The following DNM1L variants were observed in gnomAD, a reference collection of about 807,000 sequenced individuals.
DNM1L encodes the protein dynamin 1L.
A neutral mutation model predicts 92.8 loss-of-function variants in DNM1L; 33 were observed. The ratio of observed to expected loss-of-function variants is 0.36; its 90% CI spans 0.27 to 0.48. The LOEUF is 0.48. Ranked by LOEUF, DNM1L falls within the 20% of genes least tolerant of loss-of-function variation. The pLI, the probability that DNM1L is intolerant of heterozygous loss-of-function variation, is 0.99. For synonymous variants in DNM1L, 284 were observed against 305.0 expected, an observed-to-expected ratio of 0.93 and a Z score of 0.72; for missense variants, 485 against 888.8, an observed-to-expected ratio of 0.55 and a Z score of 5.78.
At chr12:32,716,244 G>GT (rs969793164) in intron 6 of DNM1L, among the ~76,000 whole-genome samples, 20 of 150,952 alleles carry the variant, frequency 1.3e-4, no homozygotes, top group African/African-American at 4.4e-4. Context: ...AAATTTGGTG[G>GT]GGGGGGGTGG....
At chr12:32,714,333 C>T (rs1050507865) in intron 6 of DNM1L, among the ~76,000 whole-genome samples, 1 of 143,384 alleles carries the variant, frequency 7.0e-6, no homozygotes, top group African/African-American at 2.6e-5. Flanking sequence ...AGTGCAGTGG[C>T]GCGATCTCGG....
At chr12:32,685,818 T>C (rs903900264) in intron 1 of DNM1L, among the ~76,000 whole-genome samples, 4 of 152,170 alleles carry the variant, frequency 2.6e-5, no homozygotes, top group Non-Finnish European at 5.9e-5. Context: ...CCTTCTCTTA[T>C]GGACAACTTT....
chr12:32,740,440 G>A lies in DNM1L; in HGVS notation c.1916G>A (p.Arg639Gln). The change falls in exon 18 of 20, where the codon CGG becomes CAG. Residue 639 changes from arginine (R) to glutamine (Q), a missense_variant. This residue lies in a region of DNM1L where 133 missense variants were observed against 210.9 expected (regional missense o/e 0.63). Transcript: ENST00000549701. ...PVPVARKLSA[R>Q]EQRDCEVIER... ...CCTGTTGCACGAAAACTATCTGCTC[G>A]GGAACAGCGAGATTGTGAGGTTATT... 2 of 1,613,944 alleles carry A rather than the reference G, an allele frequency of 1.2e-6. No homozygotes were observed. The highest frequency in any genetic ancestry group is 2.2e-5 in the East Asian group (1 of 44,874).
intron 6 of DNM1L, among the ~76,000 whole-genome samples, chr12:32,715,710 C>T (rs1036552930): frequency 6.6e-6 from 1 of 151,574 alleles, no homozygotes; most frequent in East Asian, 1.9e-4. Flanking sequence ...TCAGCCTGGA[C>T]AACAGAGTAG....
At chr12:32,699,345 T>G (rs11052189) in intron 1 of DNM1L, among the ~76,000 whole-genome samples, 23,407 of 151,978 alleles carry the variant, frequency 0.15, 1,905 homozygotes, top group Middle Eastern at 0.21. Context: ...CAACAAAAAT[T>G]GAAATACTTA....
At position 32,705,698 on chromosome 12, in the gene DNM1L, T is replaced by C. The variant is rs772687966; in HGVS notation, c.251-1669T>C. On this transcript the variant is annotated intron_variant, in intron 2 of 19. Transcript: ENST00000549701. The stretch of plus-strand genomic sequence containing the variant: ...CTAACTTTACTTTCGTCAGTAAATT[T>C]TGAATAATTGAATGCTATGTGCATT... 2.4e-4 allele frequency: 206 copies of C among 853,902 alleles called. 1 individual carries two copies. The highest frequency in any genetic ancestry group is 3.3e-4 in the Non-Finnish European group (182 of 555,960). 52.9% of individuals were successfully genotyped at this position (853,902 alleles called of 1,614,324 possible).
At chr12:32,726,346 T>C in intron 9 of DNM1L, 2 of 1,548,038 alleles carry the variant, frequency 1.3e-6, no homozygotes, top group South Asian at 1.1e-5. Context: ...GCTAGGACAG[T>C]GCAGGTTATC....
chr12:32,718,834 G>GC, intron 7 of DNM1L, 71 bp downstream of exon 7: 3 of 1,586,952 alleles, frequency 1.9e-6, no homozygotes, highest in Non-Finnish European at 2.6e-6. Flanking sequence ...TCACTTCAGA[G>GC]CAAGTCTGAA....
intron 1 of DNM1L, among the ~76,000 whole-genome samples, chr12:32,684,465 C>T (rs1951917848): frequency 6.6e-6 from 1 of 151,504 alleles, no homozygotes; most frequent in Admixed American, 6.6e-5. Flanking sequence ...GCATCTGTTG[C>T]TCAACATAAT....
intron 1 of DNM1L, among the ~76,000 whole-genome samples, chr12:32,685,611 C>T (rs1461920419): frequency 6.6e-6 from 1 of 152,048 alleles, no homozygotes; most frequent in Non-Finnish European, 1.5e-5. Flanking sequence ...GATCCACCCA[C>T]CTCGGCCTCC....
At chr12:32,742,834 G>T in intron 19 of DNM1L, 86 bp downstream of exon 19, 1 of 1,314,768 alleles carries the variant, frequency 7.6e-7, no homozygotes, top group Non-Finnish European at 1.0e-6. Flanking sequence ...TCTTGGATAT[G>T]TATAGTCTTT....
chr12:32,699,634 A>G (rs1225947789), intron 1 of DNM1L, among the ~76,000 whole-genome samples: 1 of 151,992 alleles, frequency 6.6e-6, no homozygotes. Flanking sequence ...TGTCTCTACT[A>G]AAAATACAAA....
At chr12:32,717,341 CTATATATTATATATAGTA>C (rs1953466073) in intron 6 of DNM1L, among the ~76,000 whole-genome samples, 1 of 82,946 alleles carries the variant, frequency 1.2e-5, no homozygotes, top group African/African-American at 5.1e-5. Flanking sequence ...TTTATATATA[CTATATATTATATATAGTA>C]TATATAATAT....
chr12:32,737,809 C>A, intron 14 of DNM1L, 56 bp from the exon 15 acceptor site: 1 of 1,289,756 alleles, frequency 7.8e-7, no homozygotes, highest in Non-Finnish European at 1.1e-6. Flanking sequence ...TAGAATGTTC[C>A]TGAATGCATT....
chr12:32,735,749 G>A (rs1954826792), intron 13 of DNM1L, among the ~76,000 whole-genome samples: 1 of 151,986 alleles, frequency 6.6e-6, no homozygotes, highest in African/African-American at 2.4e-5. Flanking sequence ...GGTGGTGGAT[G>A]CCTGTAATCC....
At chr12:32,743,263 C>T in intron 19 of DNM1L, 91 bp from the exon 20 acceptor site, 1 of 1,141,940 alleles carries the variant, frequency 8.8e-7, no homozygotes, top group Non-Finnish European at 1.3e-6. Flanking sequence ...ATAAACCTAC[C>T]ACATATATAT....
chr12:32,718,019 ATATT>A (rs1953608889), intron 6 of DNM1L, among the ~76,000 whole-genome samples: 1 of 125,102 alleles, frequency 8.0e-6, no homozygotes, highest in Non-Finnish European at 1.6e-5. Context: ...TATAGTATAT[ATATT>A]ATAAATATAT....
At chr12:32,734,624 T>C (rs1954754090) in intron 13 of DNM1L, among the ~76,000 whole-genome samples, 3 of 152,108 alleles carry the variant, frequency 2.0e-5, no homozygotes, top group Admixed American at 2.0e-4. Context: ...CTGGCCAACA[T>C]GGTGAAACCC....
At chr12:32,679,793 C>T in intron 1 of DNM1L, 1 of 1,038,202 alleles carries the variant, frequency 9.6e-7, no homozygotes, top group Non-Finnish European at 1.2e-6. Flanking sequence ...CCGGGCGCGG[C>T]CTCGTCCGCG....
Sources: allele counts gnomAD v4.1 joint callset (sites outside exome capture counted in the v4.1 genomes callset), GRCh38; gene constraint gnomAD v4.1.1; regional missense constraint gnomAD v4.1.1; transcripts MANE v1.5; gene names NCBI Gene and HGNC (gene_info 2026-07-23, HGNC 2026-07-21).